The following SNX27 variants were observed in gnomAD, a reference collection of about 807,000 sequenced individuals.
SNX27 encodes sorting nexin-27.
In SNX27, 22 loss-of-function variants were observed where a neutral mutation model predicts 71.6. That is an observed-to-expected ratio of 0.31 (90% confidence interval 0.22 to 0.44). SNX27 has a LOEUF of 0.44. Ranked by LOEUF, SNX27 falls within the 20% of genes least tolerant of loss-of-function variation. SNX27 has a pLI of 1.00. For synonymous variants in SNX27, 269 were observed against 277.2 expected, an observed-to-expected ratio of 0.97 and a Z score of 0.29; for missense variants, 531 against 698.6, an observed-to-expected ratio of 0.76 and a Z score of 2.70.
At chr1:151,620,513 T>TC (rs397738773) in intron 1 of SNX27, among the ~76,000 whole-genome samples, 1 of 70,014 alleles carries the variant, frequency 1.4e-5, no homozygotes, top group African/African-American at 5.0e-5. Flanking sequence ...CTTTAACTTG[T>TC]GTTTGTATTT....
intron 8 of SNX27, among the ~76,000 whole-genome samples, chr1:151,689,984 G>T (rs1671363249): frequency 6.6e-6 from 1 of 152,114 alleles, no homozygotes; most frequent in African/African-American, 2.4e-5. Context: ...ATGTAGCTGG[G>T]ATTACAGGTG....
intron 1 of SNX27, among the ~76,000 whole-genome samples, chr1:151,628,791 A>G (rs536818790): frequency 6.6e-6 from 1 of 152,310 alleles, no homozygotes; most frequent in South Asian, 2.1e-4. Context: ...TTGGTGAGGT[A>G]TCTGTCCAGA....
chr1:151,686,073 C>A (rs1671182281), intron 8 of SNX27, among the ~76,000 whole-genome samples: 1 of 152,232 alleles, frequency 6.6e-6, no homozygotes, highest in Non-Finnish European at 1.5e-5. Flanking sequence ...AACAGGCCAT[C>A]AACTTCTGCA....
At chr1:151,682,909 C>T (rs997976035) in intron 7 of SNX27, among the ~76,000 whole-genome samples, 2 of 152,140 alleles carry the variant, frequency 1.3e-5, no homozygotes, top group Non-Finnish European at 2.9e-5. Flanking sequence ...ATGGCTCATG[C>T]CTGTAGTCCC....
chr1:151,616,126 TC>T (rs1236665489), intron 1 of SNX27, among the ~76,000 whole-genome samples: 1 of 152,364 alleles, frequency 6.6e-6, no homozygotes, highest in African/African-American at 2.4e-5. Context: ...CTGAGTGTTT[TC>T]CCTTTGATGT....
rs973584806 is a variant in SNX27, at chr1:151,698,513, G to A, written c.*4096G>A. 6.6e-6 allele frequency: 1 copy of A among 152,360 alleles called. No homozygotes were observed. The highest frequency in any genetic ancestry group is 6.5e-5 in the Admixed American group (1 of 15,294). 9.4% of individuals were successfully genotyped at this position (152,360 alleles called of 1,614,324 possible). On this transcript the variant is annotated 3_prime_UTR_variant, in exon 12 of 12. Coordinates refer to ENST00000458013, the MANE Select transcript of SNX27 (RefSeq NM_001330723.2). ...GTGTCACAGTAGCTTCCTTTGGGAG[G>A]ATGATGTGATAGAACACTCAGAGAG...
At chr1:151,688,384 A>C (rs1305563559) in intron 8 of SNX27, among the ~76,000 whole-genome samples, 2 of 152,238 alleles carry the variant, frequency 1.3e-5, no homozygotes, top group African/African-American at 4.8e-5. Flanking sequence ...CTGTAATCCC[A>C]GCACTTTGGG....
At chr1:151,682,775 C>A (rs1558072733) in intron 7 of SNX27, among the ~76,000 whole-genome samples, 1 of 152,122 alleles carries the variant, frequency 6.6e-6, no homozygotes, top group Non-Finnish European at 1.5e-5. Context: ...TGTCTCATGC[C>A]TGTAATCCCA....
intron 2 of SNX27, among the ~76,000 whole-genome samples, chr1:151,648,659 TC>T (rs1243958078): frequency 2.0e-5 from 3 of 152,130 alleles, no homozygotes; most frequent in Non-Finnish European, 4.4e-5. Context: ...CCTCAGGTGA[TC>T]TGCCCACCTT....
chr1:151,696,505 C>CTTTCTTTCGTTCTTTT lies in SNX27; in HGVS notation c.*2088_*2089insTTTCTTTCGTTCTTTT. ...TCTTTCTTTCTTTCTTTCTTTCTTT[C>CTTTCTTTCGTTCTTTT]GTTCTTTCGTTCTTTCGTTCTTTCT... On this transcript the variant is annotated 3_prime_UTR_variant, in exon 12 of 12. Coordinates refer to ENST00000458013, the MANE Select transcript of SNX27 (RefSeq NM_001330723.2). The CTTTCTTTCGTTCTTTT allele has an allele frequency of 9.3e-6, 1 of 107,504 alleles. No homozygotes were observed. The highest frequency in any genetic ancestry group is 3.9e-5 in the African/African-American group (1 of 25,362). The allele number at this position is 107,504 out of a possible 1,614,324, so 6.7% of individuals were successfully genotyped here.
chr1:151,656,400 GAC>G (rs1285743919), intron 2 of SNX27, among the ~76,000 whole-genome samples: 1 of 152,130 alleles, frequency 6.6e-6, no homozygotes, highest in Non-Finnish European at 1.5e-5. Context: ...TACAAAAAAT[GAC>G]ACTCACATGG....
chr1:151,614,094 T>G (rs1667319638), intron 1 of SNX27: 1 of 152,122 alleles, frequency 6.6e-6, no homozygotes, highest in Non-Finnish European at 1.5e-5. Flanking sequence ...CTTGACATTC[T>G]TAACTCCATG....
At chr1:151,690,541 C>T (rs1671389396) in intron 8 of SNX27, among the ~76,000 whole-genome samples, 1 of 152,094 alleles carries the variant, frequency 6.6e-6, no homozygotes, top group Non-Finnish European at 1.5e-5. Context: ...GCCTTGACCT[C>T]CTGGGCTCAA....
chr1:151,669,800 A>C (rs1211945739), intron 7 of SNX27, among the ~76,000 whole-genome samples: 4 of 152,154 alleles, frequency 2.6e-5, no homozygotes, highest in Admixed American at 2.6e-4. Context: ...GGTACATGAG[A>C]TGTTTTGATA....
At chr1:151,664,516 T>G (rs1670107990) in intron 5 of SNX27, among the ~76,000 whole-genome samples, 1 of 152,110 alleles carries the variant, frequency 6.6e-6, no homozygotes, top group South Asian at 2.1e-4. Context: ...AGTGAGAAAC[T>G]GTATTTAGAG....
At chr1:151,630,837 T>C (rs927730714) in intron 1 of SNX27, among the ~76,000 whole-genome samples, 2 of 152,090 alleles carry the variant, frequency 1.3e-5, no homozygotes, top group Non-Finnish European at 2.9e-5. Flanking sequence ...ATCGAGACCA[T>C]CCTGGCTAAC....
Position 151,612,201 on chromosome 1 carries a change from G to C in SNX27, c.-1G>C. The C allele has an allele frequency of 2.2e-6, 3 of 1,344,586 alleles. No individual in the cohort carries two copies. Among genetic ancestry groups the C allele is most frequent in the Non-Finnish European group, 2.9e-6 (3 of 1,045,784 alleles). The allele number at this position is 1,344,586 out of a possible 1,614,324, so 83.3% of individuals were successfully genotyped here. A position where few individuals can be genotyped will look rare whatever the true frequency, so the allele number is the denominator to read the frequency against. ...GGGGGTACGGCTCGCCTGCTCGCAA[G>C]ATGGCGGACGAGGACGGGGAAGGGA... On this transcript the variant is annotated 5_prime_UTR_variant, in exon 1 of 12. Transcript: ENST00000458013. The surrounding 1 kb of genome is among the most constrained non-coding windows in gnomAD (Gnocchi z 5.2).
Position 151,681,235 on chromosome 1 carries a change from C to CTTTTTTTTTTTTTTTTTTTTTTTTTTTTT in SNX27, c.1150-2097_1150-2096insTTTTTTTTTTTTTTTTTTTTTTTTTTTTT, listed in dbSNP as rs762924986. 7.4e-4 allele frequency among the ~76,000 whole-genome samples: 45 copies of CTTTTTTTTTTTTTTTTTTTTTTTTTTTTT among 60,700 alleles called. 6 individuals carry two copies. The highest frequency in any genetic ancestry group is 9.8e-4 in the Non-Finnish European group (31 of 31,686). 39.8% of individuals were successfully genotyped at this position (60,700 alleles called of 152,430 possible). A position where few individuals can be genotyped will look rare whatever the true frequency, so the allele number is the denominator to read the frequency against. On this transcript the variant is annotated intron_variant, in intron 7 of 11. Coordinates refer to ENST00000458013, the MANE Select transcript of SNX27 (RefSeq NM_001330723.2). ...CTAGAAGTTGAATTAGTCTCTCAATCTTTTTTTTTTTTTTTTTTTTTTTTG... is the reference window on the plus strand; with the variant it reads ...CTAGAAGTTGAATTAGTCTCTCAATCTTTTTTTTTTTTTTTTTTTTTTTTTTTTTTTTTTTTTTTTTTTTTTTTTTTTTG...
chr1:151,659,234 AT>A (rs1417566205), intron 3 of SNX27, among the ~76,000 whole-genome samples: 1 of 151,152 alleles, frequency 6.6e-6, no homozygotes, highest in African/African-American at 2.4e-5. Flanking sequence ...TCTGTATTGA[AT>A]TTTTTGTTTT....
Sources: allele counts gnomAD v4.1 joint callset (sites outside exome capture counted in the v4.1 genomes callset), GRCh38; gene constraint gnomAD v4.1.1; non-coding constraint Gnocchi (gnomAD v3.1); transcripts MANE v1.5; gene names NCBI Gene and HGNC (gene_info 2026-07-23, HGNC 2026-07-21).